PHACTR1: variants seen among roughly 807,000 people sequenced by gnomAD.
PHACTR1 encodes the protein RPEL repeat containing 1.
PHACTR1 carries 16 observed loss-of-function variants against 69.2 expected under a neutral mutation model. The ratio of observed to expected loss-of-function variants is 0.23; its 90% CI spans 0.16 to 0.35. The LOEUF is 0.35. Among genes scored for constraint, PHACTR1 ranks in the 10% least tolerant of loss-of-function variants. The pLI, the probability that PHACTR1 is intolerant of heterozygous loss-of-function variation, is 1.00. For missense variants in PHACTR1, 510 were observed against 734.7 expected, an observed-to-expected ratio of 0.69 and a Z score of 3.54; for synonymous variants, 312 against 284.5, an observed-to-expected ratio of 1.10 and a Z score of -0.97.
At chr6:13,059,628 C>A (rs183164982) in intron 5 of PHACTR1, among the ~76,000 whole-genome samples, 1 of 152,238 alleles carries the variant, frequency 6.6e-6, no homozygotes, top group East Asian at 1.9e-4. Context: ...GCAGTTTGCA[C>A]ACAGTTATAC....
intron 4 of PHACTR1, among the ~76,000 whole-genome samples, chr6:12,774,377 G>GC (rs1769764928): frequency 2.7e-5 from 4 of 150,208 alleles, no homozygotes; most frequent in African/African-American, 7.4e-5. Context: ...AACATATTTG[G>GC]CTTTTGTTGT....
chr6:12,909,777 G>A (rs147710985), intron 4 of PHACTR1, among the ~76,000 whole-genome samples: 6 of 152,262 alleles, frequency 3.9e-5, no homozygotes, highest in Non-Finnish European at 8.8e-5. Context: ...ACTTAAGATC[G>A]GCAGCATTCC....
chr6:12,741,627 T>C (rs901724185), intron 3 of PHACTR1, among the ~76,000 whole-genome samples: 3 of 152,136 alleles, frequency 2.0e-5, no homozygotes, highest in Non-Finnish European at 4.4e-5. Context: ...TTATCTTACT[T>C]TCTTTTTGTG....
intron 4 of PHACTR1, among the ~76,000 whole-genome samples, chr6:12,903,612 A>G (rs1039502899): frequency 6.6e-6 from 1 of 152,248 alleles, no homozygotes; most frequent in Admixed American, 6.5e-5. Context: ...AAAGGTTTAT[A>G]GCCTTCTCCC....
At chr6:12,879,767 A>C (rs1457989846) in intron 4 of PHACTR1, among the ~76,000 whole-genome samples, 1 of 152,210 alleles carries the variant, frequency 6.6e-6, no homozygotes, top group African/African-American at 2.4e-5. Context: ...ACAGAAATGA[A>C]GTGTCAAGAT....
At chr6:13,182,081 A>G (rs1346730450) in intron 6 of PHACTR1, among the ~76,000 whole-genome samples, 1 of 152,074 alleles carries the variant, frequency 6.6e-6, no homozygotes. Context: ...TAAAAATACA[A>G]AATTAGCCGG....
chr6:13,204,263 T>C (rs1297577405), intron 7 of PHACTR1, among the ~76,000 whole-genome samples: 1 of 152,092 alleles, frequency 6.6e-6, no homozygotes, highest in Non-Finnish European at 1.5e-5. Context: ...TCTAGGAATG[T>C]CATTTTGGCA....
At chr6:13,092,601 T>C (rs1035549635) in intron 5 of PHACTR1, among the ~76,000 whole-genome samples, 1 of 152,206 alleles carries the variant, frequency 6.6e-6, no homozygotes, top group African/African-American at 2.4e-5. Flanking sequence ...CAATATATAA[T>C]GAAATAATTA....
chr6:12,992,916 G>A (rs557755092), intron 4 of PHACTR1, among the ~76,000 whole-genome samples: 1 of 152,290 alleles, frequency 6.6e-6, no homozygotes, highest in South Asian at 2.1e-4. Flanking sequence ...GAAGAAGCTG[G>A]CCTCCCCACC....
chr6:13,232,993 G>A (rs1282742061), intron 10 of PHACTR1, among the ~76,000 whole-genome samples: 1 of 152,234 alleles, frequency 6.6e-6, no homozygotes, highest in African/African-American at 2.4e-5. Context: ...GGCTGCCCCA[G>A]TGACCTCTTC....
At chr6:13,023,253 TC>T (rs2127672491) in intron 4 of PHACTR1, among the ~76,000 whole-genome samples, 1 of 152,254 alleles carries the variant, frequency 6.6e-6, no homozygotes, top group African/African-American at 2.4e-5. Context: ...TGATCTGAAT[TC>T]AGTTTGTGGA....
At chr6:13,022,625 C>G (rs1013672298) in intron 4 of PHACTR1, among the ~76,000 whole-genome samples, 2 of 151,072 alleles carry the variant, frequency 1.3e-5, no homozygotes, top group African/African-American at 2.5e-5. Context: ...ACTAAGTTGT[C>G]ACAGAGACTC....
intron 4 of PHACTR1, among the ~76,000 whole-genome samples, chr6:12,821,478 AAAAAAAGAG>A (rs1227643357): frequency 1.1e-5 from 1 of 92,328 alleles, no homozygotes; most frequent in African/African-American, 3.9e-5. Flanking sequence ...AAAAAAAAAA[AAAAAAAGAG>A]AGAGAGAGAG....
At chr6:12,867,463 C>T (rs1781573318) in intron 4 of PHACTR1, among the ~76,000 whole-genome samples, 2 of 152,102 alleles carry the variant, frequency 1.3e-5, no homozygotes, top group East Asian at 1.9e-4. Context: ...TATTAGTAAC[C>T]ATAATGAATT....
At chr6:13,102,930 C>A (rs13215098) in intron 5 of PHACTR1, among the ~76,000 whole-genome samples, 1 of 152,050 alleles carries the variant, frequency 6.6e-6, no homozygotes, top group Non-Finnish European at 1.5e-5. Context: ...TCCAAGAAGC[C>A]AGCTTGTAAA....
At chr6:13,241,749 C>T (rs968488411) in intron 10 of PHACTR1, among the ~76,000 whole-genome samples, 2 of 151,918 alleles carry the variant, frequency 1.3e-5, no homozygotes, top group African/African-American at 4.8e-5. Flanking sequence ...GCTGGGTGGG[C>T]GCAGTGGCTC....
At chr6:13,180,117 A>G (rs140450440) in intron 6 of PHACTR1, among the ~76,000 whole-genome samples, 9 of 152,340 alleles carry the variant, frequency 5.9e-5, no homozygotes, top group African/African-American at 2.2e-4. Flanking sequence ...TTATAATAGT[A>G]TGGGGGAAGC....
At chr6:12,871,348 A>G (rs967919662) in intron 4 of PHACTR1, among the ~76,000 whole-genome samples, 1 of 152,132 alleles carries the variant, frequency 6.6e-6, no homozygotes, top group African/African-American at 2.4e-5. Context: ...ATGTTCTAAT[A>G]ATTTTACAAA....
intron 8 of PHACTR1, among the ~76,000 whole-genome samples, chr6:13,227,565 A>G (rs1012265673): frequency 6.6e-6 from 1 of 152,076 alleles, no homozygotes; most frequent in East Asian, 1.9e-4. Context: ...CCACGCCACT[A>G]TTCCCATCAG....
Sources: gnomAD v4.1 joint callset for allele counts (sites outside exome capture counted in the v4.1 genomes callset) on GRCh38, gnomAD v4.1.1 for gene constraint, MANE v1.5 for transcripts, NCBI Gene and HGNC (gene_info 2026-07-23, HGNC 2026-07-21) for gene names.